Variants in TACR1 observed in about 807,000 individuals in gnomAD.
TACR1 encodes substance-P receptor.
A neutral mutation model predicts 35.8 loss-of-function variants in TACR1; 25 were observed. The ratio of observed to expected loss-of-function variants is 0.70; its 90% CI spans 0.51 to 0.98. The LOEUF is 0.98. Ranked by LOEUF, TACR1 falls within the 50% of genes least tolerant of loss-of-function variation. The pLI, the probability that TACR1 is intolerant of heterozygous loss-of-function variation, is 0.00. For missense variants in TACR1, 478 were observed against 522.9 expected, an observed-to-expected ratio of 0.91 and a Z score of 0.84; for synonymous variants, 195 against 206.7, an observed-to-expected ratio of 0.94 and a Z score of 0.48.
chr2:75,155,992 C>A (rs13389311), intron 1 of TACR1, among the ~76,000 whole-genome samples: 29,459 of 152,104 alleles, frequency 0.19, 5,151 homozygotes, highest in African/African-American at 0.46. Flanking sequence ...AAAAAGAAGA[C>A]TATTTCACAA....
intron 1 of TACR1, among the ~76,000 whole-genome samples, chr2:75,149,669 A>G (rs889890211): frequency 2.0e-5 from 3 of 152,156 alleles, no homozygotes; most frequent in Non-Finnish European, 2.9e-5. Context: ...TAAATATACA[A>G]TCATGTCATC....
chr2:75,184,657 C>A (rs779036483), intron 1 of TACR1, among the ~76,000 whole-genome samples: 2 of 150,598 alleles, frequency 1.3e-5, no homozygotes, highest in African/African-American at 2.4e-5. Flanking sequence ...AGAAAAAAAA[C>A]CAAGGGGAAA....
At chr2:75,057,905 CA>C (rs1672599352) in intron 2 of TACR1, among the ~76,000 whole-genome samples, 1 of 152,124 alleles carries the variant, frequency 6.6e-6, no homozygotes, top group Non-Finnish European at 1.5e-5. Flanking sequence ...TATTTTATCA[CA>C]ATAAAATTTA....
At chr2:75,073,409 G>T (rs755222200) in intron 2 of TACR1, among the ~76,000 whole-genome samples, 10 of 152,238 alleles carry the variant, frequency 6.6e-5, no homozygotes, top group Non-Finnish European at 1.5e-4. Flanking sequence ...AACTTCTTTG[G>T]ACTGACATCC....
At chr2:75,119,448 A>C (rs562675099) in intron 2 of TACR1, among the ~76,000 whole-genome samples, 1 of 152,296 alleles carries the variant, frequency 6.6e-6, no homozygotes, top group Non-Finnish European at 1.5e-5. Flanking sequence ...CACATAAAAA[A>C]CCCGAGATTG....
At chr2:75,062,885 A>T (rs1014020087) in intron 2 of TACR1, among the ~76,000 whole-genome samples, 1 of 152,180 alleles carries the variant, frequency 6.6e-6, no homozygotes, top group African/African-American at 2.4e-5. Flanking sequence ...TTAAAATTTT[A>T]TAATTGTATT....
intron 2 of TACR1, among the ~76,000 whole-genome samples, chr2:75,059,148 A>G (rs1672623670): frequency 6.6e-6 from 1 of 152,214 alleles, no homozygotes; most frequent in Non-Finnish European, 1.5e-5. Context: ...AAGAGCATTG[A>G]TAGAATCCCA....
chr2:75,120,905 C>T (rs1673957479), intron 1 of TACR1, 137 bp from the exon 2 acceptor site: 2 of 754,252 alleles, frequency 2.7e-6, no homozygotes, highest in Non-Finnish European at 2.0e-6. Context: ...TTTTCCAATT[C>T]CTTTTCCATA....
chr2:75,112,595 T>C (rs1229719809), intron 2 of TACR1, among the ~76,000 whole-genome samples: 1 of 152,116 alleles, frequency 6.6e-6, no homozygotes, highest in East Asian at 1.9e-4. Context: ...TTCTGGCTAT[T>C]TCTTAATTAT....
chr2:75,093,148 T>C (rs569884228), intron 2 of TACR1, among the ~76,000 whole-genome samples: 1 of 152,250 alleles, frequency 6.6e-6, no homozygotes, highest in African/African-American at 2.4e-5. Flanking sequence ...ATGTTGCAGT[T>C]TCATTATTAC....
At chr2:75,111,943 T>A (rs938595427) in intron 2 of TACR1, among the ~76,000 whole-genome samples, 5 of 151,836 alleles carry the variant, frequency 3.3e-5, no homozygotes, top group African/African-American at 7.2e-5. Flanking sequence ...TATAAATTTT[T>A]AAAAAAAATT....
chr2:75,058,152 C>T (rs1039460168), intron 2 of TACR1, among the ~76,000 whole-genome samples: 2 of 151,762 alleles, frequency 1.3e-5, no homozygotes, highest in Non-Finnish European at 2.9e-5. Flanking sequence ...CAAACAGTGT[C>T]CAACTTATCA....
intron 1 of TACR1, among the ~76,000 whole-genome samples, chr2:75,129,140 G>A (rs554135460): frequency 2.0e-5 from 3 of 152,282 alleles, no homozygotes; most frequent in Non-Finnish European, 2.9e-5. Context: ...TTTAATTACC[G>A]TAAGGGAAAG....
intron 1 of TACR1, among the ~76,000 whole-genome samples, chr2:75,168,982 A>G (rs1675212352): frequency 6.6e-6 from 1 of 152,252 alleles, no homozygotes; most frequent in Admixed American, 6.5e-5. Context: ...TAGGTAAAAT[A>G]CACTTTAATC....
At chr2:75,116,721 C>T (rs1673868487) in intron 2 of TACR1, among the ~76,000 whole-genome samples, 1 of 152,024 alleles carries the variant, frequency 6.6e-6, no homozygotes, top group South Asian at 2.1e-4. Flanking sequence ...CCAGTCTGGC[C>T]AACATGGTGA....
chr2:75,099,263 TTC>T (rs1471622575), intron 2 of TACR1, among the ~76,000 whole-genome samples: 3 of 152,132 alleles, frequency 2.0e-5, no homozygotes, highest in African/African-American at 7.2e-5. Flanking sequence ...AGTGAGCTCC[TTC>T]TCTCTTTTGC....
At chr2:75,128,592 A>G (rs1027321896) in intron 1 of TACR1, among the ~76,000 whole-genome samples, 3 of 152,106 alleles carry the variant, frequency 2.0e-5, no homozygotes, top group Non-Finnish European at 1.5e-5. Flanking sequence ...ATAAAATGCT[A>G]CCCCTCAGGG....
chr2:75,173,488 G>A (rs1426413482), intron 1 of TACR1, among the ~76,000 whole-genome samples: 1 of 152,054 alleles, frequency 6.6e-6, no homozygotes, highest in African/African-American at 2.4e-5. Flanking sequence ...ATAATAATTA[G>A]GGGTCATTTT....
intron 2 of TACR1, among the ~76,000 whole-genome samples, chr2:75,092,270 C>G (rs927682923): frequency 6.6e-6 from 1 of 152,050 alleles, no homozygotes; most frequent in African/African-American, 2.4e-5. Context: ...ATCCCTCCCC[C>G]AATTTTAAAA....
Sources: allele counts gnomAD v4.1 joint callset (sites outside exome capture counted in the v4.1 genomes callset), GRCh38; gene constraint gnomAD v4.1.1; transcripts MANE v1.5; gene names NCBI Gene and HGNC (gene_info 2026-07-23, HGNC 2026-07-21).